ABCA13: variants seen among roughly 807,000 people sequenced by gnomAD.
The protein encoded by ABCA13 is ATP-binding cassette sub-family A member 13.
ABCA13 carries 476 observed loss-of-function variants against 478.7 expected under a neutral mutation model. The observed-to-expected ratio is 0.99, with a 90% CI of 0.92 to 1.07. The LOEUF (loss-of-function observed/expected upper bound fraction) is 1.07. Among genes scored for constraint, ABCA13 ranks in the 50% least tolerant of loss-of-function variants. The pLI is 0.00. For missense variants in ABCA13, 6,060 were observed against 5,910.6 expected (o/e 1.03, Z -0.83); for synonymous variants, 2,252 against 2,158.9 (o/e 1.04, Z -1.20).
intron 42 of ABCA13, among the ~76,000 whole-genome samples, chr7:48,444,695 T>C (rs910478222): frequency 1.3e-5 from 2 of 152,110 alleles, no homozygotes; most frequent in African/African-American, 4.8e-5. Flanking sequence ...TGCTCATACA[T>C]CTGGGGTCAG....
At chr7:48,181,072 C>T (rs913911735) in intron 1 of ABCA13, among the ~76,000 whole-genome samples, 1 of 152,134 alleles carries the variant, frequency 6.6e-6, no homozygotes, top group Admixed American at 6.5e-5. Context: ...TGTTGGCTGG[C>T]GTCTGATCAG....
intron 4 of ABCA13, among the ~76,000 whole-genome samples, chr7:48,219,883 A>AACACACACACAC (rs3065570): frequency 1.2e-4 from 15 of 126,570 alleles, no homozygotes; most frequent in South Asian, 6.0e-4. Context: ...ACCTTCCCCA[A>AACACACACACAC]ACACACACAC....
intron 1 of ABCA13, among the ~76,000 whole-genome samples, chr7:48,174,122 T>C (rs1794525079): frequency 6.6e-6 from 1 of 152,380 alleles, no homozygotes; most frequent in South Asian, 2.1e-4. Flanking sequence ...TCTCCAATGA[T>C]AATCTGTAGA....
intron 56 of ABCA13, among the ~76,000 whole-genome samples, chr7:48,586,539 G>A (rs1789198009): frequency 6.6e-6 from 1 of 152,060 alleles, no homozygotes; most frequent in Admixed American, 6.5e-5. Flanking sequence ...GGGTACACAT[G>A]GGCACAAACA....
At chr7:48,380,934 A>G (rs1459743442) in intron 35 of ABCA13, among the ~76,000 whole-genome samples, 2 of 152,182 alleles carry the variant, frequency 1.3e-5, no homozygotes, top group Non-Finnish European at 2.9e-5. Flanking sequence ...AGCCCAGGGC[A>G]AGGTACCAGC....
chr7:48,565,356 C>T (rs779377774), intron 55 of ABCA13, among the ~76,000 whole-genome samples: 2 of 151,006 alleles, frequency 1.3e-5, no homozygotes, highest in African/African-American at 4.9e-5. Context: ...AGATTTGTGA[C>T]GTCTCCCTCA....
At chr7:48,297,134 C>T (rs1799489170) in intron 21 of ABCA13, 98 bp from the exon 22 acceptor site, 2 of 962,106 alleles carry the variant, frequency 2.1e-6, no homozygotes. Flanking sequence ...TCTTGTTATC[C>T]AGTCCATCTC....
At chr7:48,228,903 A>G (rs1007260759) in intron 6 of ABCA13, among the ~76,000 whole-genome samples, 1 of 152,236 alleles carries the variant, frequency 6.6e-6, no homozygotes, top group African/African-American at 2.4e-5. Flanking sequence ...GAAGATATTG[A>G]TGACAGTTGT....
At chr7:48,582,020 G>T (rs1788753209) in intron 56 of ABCA13, among the ~76,000 whole-genome samples, 1 of 152,110 alleles carries the variant, frequency 6.6e-6, no homozygotes, top group Non-Finnish European at 1.5e-5. Context: ...TTCCACATCA[G>T]GTACTGTTCT....
chr7:48,180,629 G>C (rs969437631), intron 1 of ABCA13, among the ~76,000 whole-genome samples: 3 of 152,040 alleles, frequency 2.0e-5, no homozygotes, highest in South Asian at 4.2e-4. Context: ...GTTTCACCCT[G>C]TTGGCCAGGC....
intron 57 of ABCA13, among the ~76,000 whole-genome samples, chr7:48,590,759 T>A (rs1216909707): frequency 6.6e-6 from 1 of 152,192 alleles, no homozygotes; most frequent in Non-Finnish European, 1.5e-5. Flanking sequence ...TCTTTTCATA[T>A]ACCTATTGGC....
At chr7:48,357,940 G>T (rs551185286) in intron 31 of ABCA13, among the ~76,000 whole-genome samples, 2 of 151,448 alleles carry the variant, frequency 1.3e-5, no homozygotes, top group Non-Finnish European at 2.9e-5. Flanking sequence ...TCAGGAATTC[G>T]AGACCAGCCT....
At chr7:48,545,850 A>G (rs1784771762) in intron 55 of ABCA13, among the ~76,000 whole-genome samples, 1 of 151,854 alleles carries the variant, frequency 6.6e-6, no homozygotes, top group South Asian at 2.1e-4. Context: ...AAATATGAAA[A>G]TGAAATTATG....
chr7:48,610,989 T>C (rs992189217), intron 58 of ABCA13, among the ~76,000 whole-genome samples: 1 of 152,238 alleles, frequency 6.6e-6, no homozygotes, highest in Non-Finnish European at 1.5e-5. Flanking sequence ...CCCCATTGTC[T>C]TGGCTATTAA....
chr7:48,372,086 A>G (rs1812715904), intron 32 of ABCA13, 82 bp from the exon 33 acceptor site: 3 of 1,358,228 alleles, frequency 2.2e-6, no homozygotes, highest in South Asian at 1.5e-5. Context: ...CCACTGGTCC[A>G]CCTTCTTTCT....
In ABCA13 at chr7:48,272,607, A is replaced by G. The variant is rs778333424; in HGVS notation, c.2941A>G (p.Arg981Gly). 8 of 1,613,230 alleles carry G rather than the reference A, an allele frequency of 5.0e-6. No homozygotes were observed. Among genetic ancestry groups the G allele is most frequent in the Non-Finnish European group, 6.8e-6 (8 of 1,179,340 alleles). The change falls in exon 17 of 62, where the codon AGA becomes GGA. Residue 981 changes from arginine to glycine, a missense_variant. Physicochemically the swap from Arg to Gly is moderately radical, Grantham distance 125 (BLOSUM62 -2). This residue lies in a region of ABCA13 where 4,423 missense variants were observed against 4,309.1 expected (regional missense o/e 1.03). Coordinates refer to ENST00000435803, the MANE Select transcript of ABCA13 (RefSeq NM_152701.5). ...YIYELLNIQS[R>G]GSSLTFLTQI... Reference sequence around the variant, plus strand: ...TTATGAATTATTGAATATTCAGAGTAGAGGCTCTTCGTTGACTTTCCTTAC... The same window carrying G: ...TTATGAATTATTGAATATTCAGAGTGGAGGCTCTTCGTTGACTTTCCTTAC...
At chr7:48,616,125 A>G (rs1792545169) in intron 59 of ABCA13, among the ~76,000 whole-genome samples, 1 of 152,034 alleles carries the variant, frequency 6.6e-6, no homozygotes, top group Non-Finnish European at 1.5e-5. Flanking sequence ...TCTTATTTTC[A>G]TTTATTCAGT....
In ABCA13 at chr7:48,221,295, TC is replaced by T; in HGVS notation, c.456del (p.Ser153ValfsTer13). 8.5e-7 allele frequency: 1 copy of T among 1,171,322 alleles called. No individual in the cohort carries two copies. Among genetic ancestry groups the T allele is most frequent in the Non-Finnish European group, 1.2e-6 (1 of 825,314 alleles). The allele number at this position is 1,171,322 out of a possible 1,614,324, so 72.6% of individuals were successfully genotyped here. A position where few individuals can be genotyped will look rare whatever the true frequency, so the allele number is the denominator to read the frequency against. On this transcript the variant is annotated frameshift_variant, in exon 5 of 62. Transcript: ENST00000435803. LOFTEE classifies it high-confidence loss of function. ...CTTTATTATAGATTCTTCTTATGGT[TC>T]CAGTTTTTTTACAGTAAGTATCTTA... ...RSNTPDSSYG[S>X]SFFTMDLNKT... is the part of the protein sequence containing the mutation.
chr7:48,558,939 G>C (rs985614038), intron 55 of ABCA13, among the ~76,000 whole-genome samples: 2 of 152,134 alleles, frequency 1.3e-5, no homozygotes, highest in Non-Finnish European at 2.9e-5. Flanking sequence ...GGGAAGGCTG[G>C]GCTACTGTCA....
Sources: allele counts gnomAD v4.1 joint callset (sites outside exome capture counted in the v4.1 genomes callset), GRCh38; gene constraint gnomAD v4.1.1; regional missense constraint gnomAD v4.1.1; transcripts MANE v1.5; gene names NCBI Gene and HGNC (gene_info 2026-07-23, HGNC 2026-07-21).